The following PRORP variants were observed in gnomAD, a reference collection of about 807,000 sequenced individuals.
PRORP encodes the protein protein only RNase P catalytic subunit.
A neutral mutation model predicts 59.4 loss-of-function variants in PRORP; 51 were observed. The ratio of observed to expected loss-of-function variants is 0.86; its 90% CI spans 0.69 to 1.08. The LOEUF (loss-of-function observed/expected upper bound fraction) is 1.08. Ranked by LOEUF, PRORP falls within the 50% of genes least tolerant of loss-of-function variation. PRORP has a pLI of 0.00. For synonymous variants in PRORP, 231 were observed against 245.6 expected, an observed-to-expected ratio of 0.94 and a Z score of 0.55; for missense variants, 646 against 690.3, an observed-to-expected ratio of 0.94 and a Z score of 0.72.
chr14:35,264,990 AAAATAAAAAAT>A (rs962568584), intron 5 of PRORP, among the ~76,000 whole-genome samples: 1 of 152,230 alleles, frequency 6.6e-6, no homozygotes, highest in African/African-American at 2.4e-5. Context: ...CTTCGTCTCA[AAAATAAAAAAT>A]AAATAAATAA....
At chr14:35,234,439 T>C (rs2050154628) in intron 5 of PRORP, among the ~76,000 whole-genome samples, 1 of 152,214 alleles carries the variant, frequency 6.6e-6, no homozygotes. Context: ...TCCTTTGATC[T>C]TTTCTGTCCA....
In PRORP at chr14:35,210,750, C is replaced by CTT. The variant is rs71435870; in HGVS notation, c.1275+30004_1275+30005dup. Among the ~76,000 whole-genome samples the CTT allele has an allele frequency of 1.0e-3, 35 of 34,082 alleles. 1 individual carries two copies. In the South Asian group the frequency reaches 0.012, roughly 12 times the overall value. 22.4% of individuals were successfully genotyped at this position (34,082 alleles called of 152,430 possible). A position where few individuals can be genotyped will look rare whatever the true frequency, so the allele number is the denominator to read the frequency against. Reference sequence around the variant, plus strand: ...TTTTCCTTTTCTTCTTTTCTTTTGCCTTTTTTTTTTTTTTTTTTTTTTTTT... The same window carrying CTT: ...TTTTCCTTTTCTTCTTTTCTTTTGCCTTTTTTTTTTTTTTTTTTTTTTTTTTT... On this transcript the variant is annotated intron_variant, in intron 5 of 7. Coordinates refer to ENST00000534898, the MANE Select transcript of PRORP (RefSeq NM_014672.4).
chr14:35,126,931 A>C, intron 3 of PRORP, 149 bp downstream of exon 3: 1 of 643,232 alleles, frequency 1.6e-6, no homozygotes. Flanking sequence ...TACTTTGCAT[A>C]CAGAGACTTA....
chr14:35,156,878 A>T (rs1353520628), intron 4 of PRORP, among the ~76,000 whole-genome samples: 4 of 152,230 alleles, frequency 2.6e-5, no homozygotes, highest in African/African-American at 9.6e-5. Context: ...AGTTCCTATC[A>T]TAAATTAATA....
At chr14:35,178,886 A>C (rs895431687) in intron 4 of PRORP, among the ~76,000 whole-genome samples, 24 of 152,122 alleles carry the variant, frequency 1.6e-4, no homozygotes, top group Admixed American at 3.9e-4. Context: ...TACCGGTTGT[A>C]TCTTTCCACG....
intron 4 of PRORP, among the ~76,000 whole-genome samples, chr14:35,174,437 T>C (rs2139009383): frequency 6.6e-6 from 1 of 152,310 alleles, no homozygotes; most frequent in East Asian, 1.9e-4. Flanking sequence ...ATTTTCTGCA[T>C]CCTCCCACTA....
At chr14:35,177,914 A>G (rs1330752416) in intron 4 of PRORP, among the ~76,000 whole-genome samples, 1 of 152,162 alleles carries the variant, frequency 6.6e-6, no homozygotes, top group Non-Finnish European at 1.5e-5. Context: ...ACACTGCTTT[A>G]AATGTGTCCC....
At chr14:35,202,736 C>T (rs1245671100) in intron 5 of PRORP, among the ~76,000 whole-genome samples, 1 of 152,026 alleles carries the variant, frequency 6.6e-6, no homozygotes, top group Non-Finnish European at 1.5e-5. Context: ...CTCAAGCAGT[C>T]CTTCCGCCTC....
At chr14:35,173,267 G>C (rs888308406) in intron 4 of PRORP, among the ~76,000 whole-genome samples, 19 of 152,148 alleles carry the variant, frequency 1.2e-4, no homozygotes, top group Non-Finnish European at 8.8e-5. Flanking sequence ...CAGACATTGT[G>C]AATGACACAT....
chr14:35,140,853 T>C (rs949527774), intron 4 of PRORP, among the ~76,000 whole-genome samples: 4 of 146,210 alleles, frequency 2.7e-5, no homozygotes, highest in Non-Finnish European at 4.6e-5. Context: ...TAAGGTAATT[T>C]TTTAGCTTTT....
intron 4 of PRORP, among the ~76,000 whole-genome samples, chr14:35,148,911 ATTTTTTTTT>A (rs1186320988): frequency 9.7e-5 from 8 of 82,840 alleles, no homozygotes; most frequent in African/African-American, 2.5e-4. Context: ...GCACTTTTTA[ATTTTTTTTT>A]TTTTTTTTTT....
At chr14:35,208,232 GT>G (rs1007492527) in intron 5 of PRORP, among the ~76,000 whole-genome samples, 4 of 151,948 alleles carry the variant, frequency 2.6e-5, no homozygotes, top group Non-Finnish European at 4.4e-5. Flanking sequence ...GTGCAAAGTG[GT>G]TTTCATAGAG....
intron 4 of PRORP, among the ~76,000 whole-genome samples, chr14:35,129,329 A>C (rs746028515): frequency 6.6e-6 from 1 of 152,016 alleles, no homozygotes; most frequent in African/African-American, 2.4e-5. Flanking sequence ...GTTATTATTG[A>C]TAAGTAAGGA....
At chr14:35,147,424 C>T (rs2047638786) in intron 4 of PRORP, among the ~76,000 whole-genome samples, 1 of 152,168 alleles carries the variant, frequency 6.6e-6, no homozygotes, top group South Asian at 2.1e-4. Context: ...CTTACTGTAG[C>T]CTCCACTTCT....
rs773526846 is a variant in PRORP, at chr14:35,123,936, T to C, written c.691T>C (p.Leu231=). The C allele has an allele frequency of 1.2e-6, 2 of 1,614,174 alleles. No homozygotes were observed. Among genetic ancestry groups the C allele is most frequent in the East Asian group, 4.5e-5 (2 of 44,872 alleles). The change falls in exon 2 of 8, where the codon TTG becomes CTG. Residue 231 remains leucine (L), a synonymous_variant. Coordinates refer to ENST00000534898, the MANE Select transcript of PRORP (RefSeq NM_014672.4). Reference sequence around the variant, plus strand: ...TTCAGACAGATGGAGAGAAGCATTGTTGCTGTTAGAGGACATCAAAAAAGT... The same window carrying C: ...TTCAGACAGATGGAGAGAAGCATTGCTGCTGTTAGAGGACATCAAAAAAGT... The part of the protein sequence containing the change: ...IHSDRWREAL[L]LLEDIKKVIT...
intron 4 of PRORP, among the ~76,000 whole-genome samples, chr14:35,137,913 G>A (rs1039667163): frequency 3.4e-5 from 5 of 145,796 alleles, no homozygotes; most frequent in Admixed American, 7.2e-5. Flanking sequence ...GTACATGTGT[G>A]TGTTGGTTTT....
rs958218102 is a variant in PRORP at position 35,188,050 on chromosome 14, A to T, written c.1275+7273A>T. ...TTTTTATTAGAGACAGGGTTTCACC[A>T]TGTTGTTCAGGCTGGTCTTGAACAC... On this transcript the variant is annotated intron_variant, in intron 5 of 7. Coordinates refer to ENST00000534898, the MANE Select transcript of PRORP (RefSeq NM_014672.4). Among the ~76,000 whole-genome samples, 8 of 151,228 alleles carry T rather than the reference A, an allele frequency of 5.3e-5. No individual in the cohort carries two copies. The East Asian group carries it at 1.6e-3, about 29-fold the overall frequency.
chr14:35,241,760 C>T (rs1340613203), intron 5 of PRORP, among the ~76,000 whole-genome samples: 1 of 152,170 alleles, frequency 6.6e-6, no homozygotes, highest in Non-Finnish European at 1.5e-5. Context: ...CTGCACTGTA[C>T]ACTCCACTGG....
At chr14:35,133,306 C>T (rs1042779900) in intron 4 of PRORP, among the ~76,000 whole-genome samples, 11 of 152,180 alleles carry the variant, frequency 7.2e-5, no homozygotes, top group Non-Finnish European at 1.0e-4. Context: ...CTGATGCATT[C>T]TTCAGCATGC....
Sources: allele counts gnomAD v4.1 joint callset (sites outside exome capture counted in the v4.1 genomes callset), GRCh38; gene constraint gnomAD v4.1.1; transcripts MANE v1.5; gene names NCBI Gene and HGNC (gene_info 2026-07-23, HGNC 2026-07-21).